SUN1: variants seen among roughly 807,000 people sequenced by gnomAD.
SUN1 encodes Sad1 and UNC84 domain containing 1.
A neutral mutation model predicts 103.2 loss-of-function variants in SUN1; 61 were observed. That is an observed-to-expected ratio of 0.59 (90% CI 0.48 to 0.73). The LOEUF is 0.73. Among genes scored for constraint, SUN1 ranks in the 30% least tolerant of loss-of-function variants. The pLI, the probability that SUN1 is intolerant of heterozygous loss-of-function variation, is 0.00. For synonymous variants in SUN1, 490 were observed against 425.7 expected (o/e 1.15, Z -1.86); for missense variants, 1,052 against 1,034.6 (o/e 1.02, Z -0.23).
intron 1 of SUN1, among the ~76,000 whole-genome samples, chr7:838,448 G>A (rs1161557177): frequency 6.6e-6 from 1 of 152,172 alleles, no homozygotes; most frequent in African/African-American, 2.4e-5. Flanking sequence ...TAGTGTTGAC[G>A]AGGAAACACA....
intron 1 of SUN1, among the ~76,000 whole-genome samples, chr7:835,965 G>C (rs1417825942): frequency 6.6e-6 from 1 of 152,236 alleles, no homozygotes; most frequent in South Asian, 2.1e-4. Flanking sequence ...GTCAGCAGGG[G>C]CAGATGCTGC....
intron 1 of SUN1, among the ~76,000 whole-genome samples, chr7:825,190 C>T (rs1363615547): frequency 6.6e-6 from 1 of 152,040 alleles, no homozygotes; most frequent in African/African-American, 2.4e-5. Flanking sequence ...TCCCGAGTAG[C>T]TGGGACTACA....
At chr7:856,910 G>T (rs568094985) in intron 12 of SUN1, among the ~76,000 whole-genome samples, 1 of 152,210 alleles carries the variant, frequency 6.6e-6, no homozygotes, top group Non-Finnish European at 1.5e-5. Context: ...GGCGTGTCAC[G>T]GTGGGCCTCT....
At chr7:861,345 T>C in intron 14 of SUN1, 35 bp from the exon 15 acceptor site, 3 of 1,611,878 alleles carry the variant, frequency 1.9e-6, no homozygotes, top group Non-Finnish European at 2.5e-6. Context: ...TCTCCTGTTC[T>C]GGTGTTTGGT....
At position 861,358 on chromosome 7, in the gene SUN1, TC is replaced by T. The variant is rs778191745; in HGVS notation, c.1780-20del. 15 of 1,613,982 alleles carry T rather than the reference TC, an allele frequency of 9.3e-6. No homozygotes were observed. The South Asian group carries it at 1.3e-4, about 14-fold the overall frequency. On this transcript the variant is annotated intron_variant, in intron 14 of 18. Coordinates refer to ENST00000401592, the MANE Select transcript of SUN1 (RefSeq NM_001130965.3). ...CCTCTCCTGTTCTGGTGTTTGGTCT[TC>T]CGTCCCTCGTGTCTGTCCAGCAAGC...
intron 5 of SUN1, among the ~76,000 whole-genome samples, chr7:848,875 T>C (rs1405516760): frequency 2.0e-5 from 3 of 152,272 alleles, no homozygotes; most frequent in Non-Finnish European, 4.4e-5. Context: ...AAAAAGTTAA[T>C]GTGCTCAACT....
chr7:853,083 C>A, intron 9 of SUN1, 131 bp downstream of exon 9: 1 of 1,267,504 alleles, frequency 7.9e-7, no homozygotes, highest in Non-Finnish European at 1.1e-6. Flanking sequence ...GTCAGATAAG[C>A]AAGTCTTTGG....
intron 13 of SUN1, among the ~76,000 whole-genome samples, chr7:859,290 G>A (rs1360323487): frequency 7.2e-5 from 11 of 152,188 alleles, no homozygotes; most frequent in African/African-American, 2.4e-4. Context: ...TGCTATCAGC[G>A]CTGGCTGAGG....
intron 1 of SUN1, among the ~76,000 whole-genome samples, chr7:826,105 A>T (rs183235490): frequency 5.5e-4 from 83 of 152,204 alleles, no homozygotes; most frequent in Non-Finnish European, 8.7e-4. Context: ...AGGTGCCGTG[A>T]CGCGCCCCTG....
At chr7:831,986 A>C (rs1351409457), upstream of SUN1, 1 of 958,698 alleles carries the variant, frequency 1.0e-6, no homozygotes, top group Non-Finnish European at 1.2e-6. Context: ...AAGTGTAAAT[A>C]GTGCCTTAAG....
intron 9 of SUN1, 50 bp downstream of exon 9, chr7:853,002 C>A (rs183455092): frequency 2.9e-5 from 45 of 1,565,746 alleles, no homozygotes; most frequent in Admixed American, 1.3e-4. Flanking sequence ...GTGAGGTCTT[C>A]AGGGACGTTC....
chr7:848,017 G>A (rs113115351), intron 5 of SUN1, among the ~76,000 whole-genome samples: 4,884 of 149,562 alleles, frequency 0.033, 75 homozygotes, highest in Non-Finnish European at 0.043. Context: ...GGATCCCCTG[G>A]GGGTTACTCT....
chr7:849,461 G>A (rs991342394), intron 5 of SUN1: 8 of 1,262,888 alleles, frequency 6.3e-6, no homozygotes, highest in East Asian at 4.7e-5. Flanking sequence ...ATCAGGGTGC[G>A]AGAAGCACTT....
intron 5 of SUN1, chr7:849,704 A>C (rs760562771): frequency 1.5e-6 from 2 of 1,327,452 alleles, no homozygotes; most frequent in Middle Eastern, 1.9e-4. Flanking sequence ...CCCGTGTGAC[A>C]TGGTGGTCCT....
At chr7:816,679 C>T (rs1018281061) in intron 1 of SUN1, 10 of 208,104 alleles carry the variant, frequency 4.8e-5, no homozygotes, top group Non-Finnish European at 5.9e-5. Context: ...GGCAGGTGAG[C>T]TCCCGGCGGG....
At chr7:852,102 G>T (rs574409584) in intron 7 of SUN1, 59 bp downstream of exon 7, 1 of 1,399,446 alleles carries the variant, frequency 7.1e-7, no homozygotes, top group African/African-American at 1.4e-5. Flanking sequence ...TGTGCCAATT[G>T]CAGGCTCTCA....
intron 1 of SUN1, among the ~76,000 whole-genome samples, chr7:827,212 G>A (rs1793015150): frequency 6.6e-6 from 1 of 151,900 alleles, no homozygotes; most frequent in African/African-American, 2.4e-5. Flanking sequence ...GCTAGAGACG[G>A]GGTTTCACCA....
intron 1 of SUN1, 50 bp from the exon 2 acceptor site, chr7:838,748 G>T: frequency 6.9e-7 from 1 of 1,447,428 alleles, no homozygotes; most frequent in Non-Finnish European, 9.2e-7. Context: ...TTTTGTTTCA[G>T]AATGGGGGCT....
intron 6 of SUN1, 64 bp from the exon 7 acceptor site, chr7:851,886 T>C (rs186583046): frequency 3.6e-5 from 56 of 1,544,442 alleles, no homozygotes; most frequent in Non-Finnish European, 4.8e-5. Flanking sequence ...ACAGAAATGG[T>C]CCATTTAGGA....
Sources: allele counts gnomAD v4.1 joint callset (sites outside exome capture counted in the v4.1 genomes callset), GRCh38; gene constraint gnomAD v4.1.1; transcripts MANE v1.5; gene names NCBI Gene and HGNC (gene_info 2026-07-23, HGNC 2026-07-21).